Variants in IFT122 observed in about 807,000 individuals in gnomAD.
The protein encoded by IFT122 is intraflagellar transport protein 122 homolog.
Under a neutral mutation model 161.6 loss-of-function variants are expected in IFT122, and 118 were observed. The observed-to-expected ratio is 0.73, with a 90% confidence interval of 0.63 to 0.85. The LOEUF is 0.85. Ranked by LOEUF, IFT122 falls within the 40% of genes least tolerant of loss-of-function variation. The pLI is 0.00. For synonymous variants in IFT122, 550 were observed against 602.4 expected (o/e 0.91, Z 1.27); for missense variants, 1,381 against 1,579.6 (o/e 0.87, Z 2.13).
In IFT122 at chr3:129,519,632, G is replaced by A. The variant is rs766429633; in HGVS notation, c.3536G>A (p.Arg1179Gln). 5 of 1,613,604 alleles carry A rather than the reference G, an allele frequency of 3.1e-6. No individual in the cohort carries two copies. Among genetic ancestry groups the A allele is most frequent in the Admixed American group, 3.3e-5 (2 of 60,024 alleles). The change falls in exon 29 of 30, where the codon CGG becomes CAG. Residue 1179 changes from arginine to glutamine, a missense_variant. Around this residue, in one of 7 missense-constraint regions of IFT122, gnomAD observed 177 missense variants for 199.2 expected, o/e 0.89. Coordinates refer to ENST00000348417, the MANE Select transcript of IFT122 (RefSeq NM_052989.3). ...CTGGTGCTGCGCTCCATGAGCCGCC[G>A]GGATGTCCTCATCAAGCGATGGCCC... ...SRLVLRSMSRRDVLIKRWPPP... is the reference protein window; with the variant it reads ...SRLVLRSMSRQDVLIKRWPPP...
intron 15 of IFT122, chr3:129,483,958 G>A (rs1226899365): frequency 2.0e-5 from 10 of 503,080 alleles, no homozygotes; most frequent in Admixed American, 6.4e-5. Context: ...TGTCAGCAGC[G>A]TGTGTTTTGC....
chr3:129,483,574 C>T lies in IFT122; in HGVS notation c.1743C>T (p.Ser581=), dbSNP rs1239383770. The stretch of plus-strand genomic sequence containing the variant: ...GAGGCTACCTCAACATCAAAGCCAG[C>T]ACCTTCCCTGTGCACCGGCAGAAGC... The part of the protein sequence containing the change: ...SGGGYLNIKA[S]TFPVHRQKLQ... The change falls in exon 15 of 30, where the codon AGC becomes AGT. Residue 581 remains serine (S), a synonymous_variant. Transcript: ENST00000348417. 3.7e-6 allele frequency: 6 copies of T among 1,614,058 alleles called. No individual in the cohort carries two copies. Among genetic ancestry groups the T allele is most frequent in the Non-Finnish European group, 5.1e-6 (6 of 1,180,040 alleles).
At chr3:129,454,213 T>G (rs1346365414) in intron 3 of IFT122, among the ~76,000 whole-genome samples, 1 of 152,124 alleles carries the variant, frequency 6.6e-6, no homozygotes, top group Admixed American at 6.6e-5. Flanking sequence ...ACTTTAGTCC[T>G]GCATAAAGAC....
At chr3:129,462,766 A>G (rs894062607) in intron 5 of IFT122, among the ~76,000 whole-genome samples, 1 of 152,208 alleles carries the variant, frequency 6.6e-6, no homozygotes, top group Non-Finnish European at 1.5e-5. Context: ...GAATTTGCTT[A>G]TGTTGTCTAG....
Position 129,449,923 on chromosome 3 carries a change from G to T in IFT122, c.94G>T (p.Gly32Ter). 6.2e-7 allele frequency: 1 copy of T among 1,610,670 alleles called. No homozygotes were observed. Among genetic ancestry groups the T allele is most frequent in the Non-Finnish European group, 8.5e-7 (1 of 1,177,018 alleles). Reference protein sequence around the residue: ...PDGTQLILAAGSRLLVYDTSD... With the variant: ...PDGTQLILAA ...TGGAACTCAACTGATTTTGGCTGCC[G>T]GAAGCAGATTACTGGTAGGATTTTG... Residue 32 changes from glycine (G) to a stop codon, truncating the protein, a stop_gained, in exon 2 of 30, where the codon GGA becomes TGA. Transcript: ENST00000348417. LOFTEE classifies it high-confidence loss of function.
At chr3:129,515,261 G>A (rs1027992583) in intron 25 of IFT122, 1 of 618,284 alleles carries the variant, frequency 1.6e-6, no homozygotes, top group Non-Finnish European at 3.0e-6. Flanking sequence ...TGCCTGTGCA[G>A]GTGTCTTGGG....
chr3:129,478,268 C>G, intron 12 of IFT122, 50 bp downstream of exon 12: 1 of 1,525,306 alleles, frequency 6.6e-7, no homozygotes, highest in Middle Eastern at 1.7e-4. Flanking sequence ...TTTGTGCTCC[C>G]CCCCCAGTGA....
intron 3 of IFT122, among the ~76,000 whole-genome samples, chr3:129,453,182 C>T (rs946783340): frequency 4.6e-5 from 7 of 152,018 alleles, no homozygotes; most frequent in Middle Eastern, 3.2e-3. Context: ...GGATCTAGGG[C>T]ATAGACGGGG....
At position 129,504,374 on chromosome 3, in the gene IFT122, A is replaced by T. The variant is rs770762310; in HGVS notation, c.2603A>T (p.Tyr868Phe). 2.5e-6 allele frequency: 4 copies of T among 1,614,174 alleles called. No individual in the cohort carries two copies. The highest frequency in any genetic ancestry group is 2.5e-6 in the Non-Finnish European group (3 of 1,180,002). The change falls in exon 21 of 30, where the codon TAT (tyrosine) becomes TTT (phenylalanine). Residue 868 changes from tyrosine to phenylalanine, a missense_variant. Coordinates refer to ENST00000348417, the MANE Select transcript of IFT122 (RefSeq NM_052989.3). ...PEFKDDIYMP[Y>F]AQWLAENDRF... Reference sequence around the variant, plus strand: ...TTTAAGGATGACATCTACATGCCGTATGCTCAGTGGCTAGCAGAGAACGAT... The same window carrying T: ...TTTAAGGATGACATCTACATGCCGTTTGCTCAGTGGCTAGCAGAGAACGAT...
At position 129,517,497 on chromosome 3, in the gene IFT122, G is replaced by A. The variant is rs1337969902; in HGVS notation, c.3294G>A (p.Leu1098=). 1.2e-5 allele frequency: 19 copies of A among 1,613,930 alleles called. No individual in the cohort carries two copies. The highest frequency in any genetic ancestry group is 1.6e-5 in the Non-Finnish European group (19 of 1,179,872). ...TGCTACACCTGGTTGAGTTCTACCTGGAGGAAGGGATCACTGATGAAGAAG... is the reference window on the plus strand; with the variant it reads ...TGCTACACCTGGTTGAGTTCTACCTAGAGGAAGGGATCACTGATGAAGAAG... ...YDVLHLVEFY[L]EEGITDEEAI... Residue 1098 remains leucine (L), a synonymous_variant, in exon 27 of 30, where the codon CTG becomes CTA. Coordinates refer to ENST00000348417, the MANE Select transcript of IFT122 (RefSeq NM_052989.3).
chr3:129,520,499 T>C lies in IFT122; in HGVS notation c.*234T>C. 1.7e-6 allele frequency: 1 copy of C among 605,170 alleles called. No homozygotes were observed. The highest frequency in any genetic ancestry group is 3.0e-6 in the Non-Finnish European group (1 of 336,092). The allele number at this position is 605,170 out of a possible 1,614,324, so 37.5% of individuals were successfully genotyped here. On this transcript the variant is annotated 3_prime_UTR_variant, in exon 30 of 30. Coordinates refer to ENST00000348417, the MANE Select transcript of IFT122 (RefSeq NM_052989.3). Reference sequence around the variant, plus strand: ...TATATTTTCTAAGGAAAAAAATCTGTTACTTTCAGAACGGCTCCGAGTTGT... The same window carrying C: ...TATATTTTCTAAGGAAAAAAATCTGCTACTTTCAGAACGGCTCCGAGTTGT...
intron 8 of IFT122, 101 bp downstream of exon 8, chr3:129,467,167 G>C: frequency 3.7e-6 from 4 of 1,095,792 alleles, no homozygotes; most frequent in Middle Eastern, 2.9e-4. Context: ...GGGAGTGCAG[G>C]GACTAGGGGG....
chr3:129,454,282 T>A (rs898724739), intron 3 of IFT122, among the ~76,000 whole-genome samples: 2 of 151,816 alleles, frequency 1.3e-5, no homozygotes, highest in African/African-American at 4.8e-5. Context: ...ATCCTAAAGC[T>A]CTGGGAGCCT....
chr3:129,492,963 A>G (rs2080333715), intron 17 of IFT122, among the ~76,000 whole-genome samples: 3 of 151,812 alleles, frequency 2.0e-5, no homozygotes, highest in African/African-American at 7.3e-5. Context: ...GACCACATGC[A>G]TGTGCCACCC....
At position 129,516,694 on chromosome 3, in the gene IFT122, G is replaced by GCGCACA. The variant is rs1243629398; in HGVS notation, c.3266-774_3266-773insGCACAC. Reference sequence around the variant, plus strand: ...CCCTGCACACACACAGATTGCTCCTGCACACACACACACACACACACACAC... The same window carrying GCGCACA: ...CCCTGCACACACACAGATTGCTCCTGCGCACACACACACACACACACACACACACAC... On this transcript the variant is annotated intron_variant, in intron 26 of 29. Coordinates refer to ENST00000348417, the MANE Select transcript of IFT122 (RefSeq NM_052989.3). 2.2e-3 allele frequency among the ~76,000 whole-genome samples: 111 copies of GCGCACA among 50,212 alleles called. 5 individuals carry two copies. The highest frequency in any genetic ancestry group is 0.012 in the African/African-American group (109 of 9,212). 32.9% of individuals were successfully genotyped at this position (50,212 alleles called of 152,430 possible).
At chr3:129,488,236 T>C (rs763872640) in intron 15 of IFT122, 21 bp from the exon 16 acceptor site, 3 of 1,614,050 alleles carry the variant, frequency 1.9e-6, no homozygotes, top group South Asian at 2.2e-5. Flanking sequence ...CTTCTTTTTT[T>C]CCCTTGATGA....
intron 21 of IFT122, among the ~76,000 whole-genome samples, chr3:129,505,951 C>CT (rs1182155244): frequency 6.6e-6 from 1 of 152,152 alleles, no homozygotes; most frequent in Admixed American, 6.6e-5. Flanking sequence ...GATAATTTTC[C>CT]TTCTTCATAA....
intron 29 of IFT122, among the ~76,000 whole-genome samples, 169 bp downstream of exon 29, chr3:129,519,901 A>G: frequency 6.6e-6 from 1 of 152,086 alleles, no homozygotes; most frequent in East Asian, 1.9e-4. Flanking sequence ...GTGCATCTAA[A>G]GTGGACTTCA....
chr3:129,514,218 G>A (rs750452403), intron 24 of IFT122, 171 bp from the exon 25 acceptor site: 4 of 748,868 alleles, frequency 5.3e-6, no homozygotes, highest in South Asian at 1.5e-5. Context: ...CTTGCCATCC[G>A]AGAAGTACAC....
Sources: gnomAD v4.1 joint callset for allele counts (sites outside exome capture counted in the v4.1 genomes callset) on GRCh38, gnomAD v4.1.1 for gene constraint, gnomAD v4.1.1 regional missense constraint, MANE v1.5 for transcripts, NCBI Gene and HGNC (gene_info 2026-07-23, HGNC 2026-07-21) for gene names.